The following HSPA8 variants were observed in gnomAD, a reference collection of about 807,000 sequenced individuals.
HSPA8 encodes heat shock protein family A (Hsp70) member 8, also known as heat shock cognate 71 kDa protein.
A neutral mutation model predicts 52.8 loss-of-function variants in HSPA8; 2 were observed. The ratio of observed to expected loss-of-function variants is 0.04; its 90% confidence interval spans 0.02 to 0.12. The LOEUF (loss-of-function observed/expected upper bound fraction) is 0.12. Ranked by LOEUF, HSPA8 falls within the 10% of genes least tolerant of loss-of-function variation. The pLI, the probability that HSPA8 is intolerant of heterozygous loss-of-function variation, is 1.00. For synonymous variants in HSPA8, 436 were observed against 274.0 expected (o/e 1.59, Z -5.84); for missense variants, 349 against 800.5 (o/e 0.44, Z 6.81).
At chr11:123,062,192 G>A (rs1203392323), upstream of HSPA8, 1 of 152,698 alleles carries the variant, frequency 6.5e-6, no homozygotes, top group Non-Finnish European at 1.5e-5. Flanking sequence ...CCTTCCAGAA[G>A]GGGCCCGCCC....
At position 123,058,240 on chromosome 11, in the gene HSPA8, A is replaced by AAAC; in HGVS notation, c.1755+11_1755+12insGTT. ...GAGTGGGGGAGGAAAAAAAAAAAAA[A>AAAC]AAAACACAAACCTGATTCTTATCAA... On this transcript the variant is annotated intron_variant, in intron 8 of 8. Coordinates refer to ENST00000534624, the MANE Select transcript of HSPA8 (RefSeq NM_006597.6). 6.6e-7 allele frequency: 1 copy of AAAC among 1,516,028 alleles called. No individual in the cohort carries two copies. Among genetic ancestry groups the AAAC allele is most frequent in the Non-Finnish European group, 9.0e-7 (1 of 1,106,802 alleles). 93.9% of individuals were successfully genotyped at this position (1,516,028 alleles called of 1,614,324 possible).
chr11:123,060,542 C>A, intron 3 of HSPA8, 51 bp downstream of exon 3: 1 of 1,386,004 alleles, frequency 7.2e-7, no homozygotes, highest in Non-Finnish European at 1.0e-6. Flanking sequence ...CGGGAGTCAT[C>A]GGGCTTTTAA....
Position 123,061,253 on chromosome 11 carries a change from T to C in HSPA8, c.72A>G (p.Gly24=), listed in dbSNP as rs752166960. 2.5e-6 allele frequency: 4 copies of C among 1,613,922 alleles called. No individual in the cohort carries two copies. The East Asian group carries it at 8.9e-5, about 36-fold the overall frequency. ...GATCATTGGCAATTATCTCGACTTTTCCGTGCTGGAAAACACCCACACAAG... is the reference window on the plus strand; with the variant it reads ...GATCATTGGCAATTATCTCGACTTTCCCGTGCTGGAAAACACCCACACAAG... ...TYSCVGVFQH[G]KVEIIANDQG... The change falls in exon 2 of 9, where the codon GGA becomes GGG. Residue 24 remains glycine, a synonymous_variant. Transcript: ENST00000534624.
At position 123,060,634 on chromosome 11, in the gene HSPA8, G is replaced by A. The variant is rs774683371; in HGVS notation, c.370C>T (p.Leu124=). The change falls in exon 3 of 9, where the codon CTG becomes TTG. Residue 124 remains leucine, a synonymous_variant. Coordinates refer to ENST00000534624, the MANE Select transcript of HSPA8 (RefSeq NM_006597.6). The part of the protein sequence containing the change: ...FYPEEVSSMV[L]TKMKEIAEAY... ...TCTGCAATTTCCTTCATCTTTGTCAGAACCATAGAAGACACCTCCTCTGGA... is the reference window on the plus strand; with the variant it reads ...TCTGCAATTTCCTTCATCTTTGTCAAAACCATAGAAGACACCTCCTCTGGA... The A allele has an allele frequency of 3.7e-6, 6 of 1,613,612 alleles. No individual in the cohort carries two copies. Among genetic ancestry groups the A allele is most frequent in the African/African-American group, 1.3e-5 (1 of 74,846 alleles).
chr11:123,058,569 G>A (rs1207009564), intron 7 of HSPA8, 63 bp downstream of exon 7: 17 of 1,569,110 alleles, frequency 1.1e-5, no homozygotes, highest in Non-Finnish European at 1.4e-5. Flanking sequence ...ACGCCCTTAG[G>A]CACCAGTAAC....
intron 3 of HSPA8, 78 bp downstream of exon 3, chr11:123,060,515 C>T (rs1160412002): frequency 1.7e-6 from 2 of 1,151,164 alleles, no homozygotes; most frequent in African/African-American, 3.1e-5. Context: ...CCCTCCCTCG[C>T]CAGGTGCCAG....
rs398017872 is a variant in HSPA8, at chr11:123,058,244, A to AC, written c.1755+7dup. ...GGGGGAGGAAAAAAAAAAAAAAAAA[A>AC]CACAAACCTGATTCTTATCAAGCCA... is the stretch of plus-strand genomic sequence containing the variant. On this transcript the variant is annotated splice_region_variant and intron_variant, in intron 8 of 8. Transcript: ENST00000534624. The AC allele has an allele frequency of 1.9e-4, 292 of 1,512,008 alleles. 1 individual carries two copies. In the South Asian group the frequency reaches 2.6e-3, roughly 13 times the overall value. The allele number at this position is 1,512,008 out of a possible 1,614,324, so 93.7% of individuals were successfully genotyped here.
In HSPA8 at chr11:123,058,572, C is replaced by T. The variant is rs1465295898; in HGVS notation, c.1522+60G>A. 1.0e-5 allele frequency: 16 copies of T among 1,571,718 alleles called. 1 individual carries two copies. In the Admixed American group the frequency reaches 2.2e-4, roughly 21 times the overall value. The stretch of plus-strand genomic sequence containing the variant: ...TCTCTTAGCTAGACGCCCTTAGGCA[C>T]CAGTAACTCAATTGAAATACCATTA... On this transcript the variant is annotated intron_variant, in intron 7 of 8. Coordinates refer to ENST00000534624, the MANE Select transcript of HSPA8 (RefSeq NM_006597.6).
At chr11:123,059,288 A>G (rs756399523) in intron 5 of HSPA8, 27 bp from the exon 6 acceptor site, 11 of 1,584,716 alleles carry the variant, frequency 6.9e-6, no homozygotes, top group Non-Finnish European at 8.6e-6. Flanking sequence ...TAACGTTAAA[A>G]GAAGTTAAAA....
rs143434494 is a variant in HSPA8 at position 123,058,444 on chromosome 11, T to C, written c.1563A>G (p.Glu521=). 5.5e-4 allele frequency: 889 copies of C among 1,614,140 alleles called. 1 individual carries two copies. The highest frequency in any genetic ancestry group is 6.4e-4 in the Non-Finnish European group (752 of 1,180,022). The change falls in exon 8 of 9, where the codon GAA becomes GAG. Residue 521 remains glutamate, a synonymous_variant. Transcript: ENST00000534624. ...SKEDIERMVQ[E]AEKYKAEDEK... Reference sequence around the variant, plus strand: ...CATCTTCAGCTTTGTACTTCTCAGCTTCCTGGACCATACGTTCAATGTCTT... The same window carrying C: ...CATCTTCAGCTTTGTACTTCTCAGCCTCCTGGACCATACGTTCAATGTCTT...
chr11:123,058,039 C>A (rs771749162), intron 8 of HSPA8, 120 bp from the exon 9 acceptor site: 5 of 808,076 alleles, frequency 6.2e-6, no homozygotes, highest in Non-Finnish European at 9.8e-6. Context: ...CCACTACCAA[C>A]ATTAAAATAG....
In HSPA8 at chr11:123,059,585, C is replaced by T; in HGVS notation, c.1008G>A (p.Leu336=). Reference sequence around the variant, plus strand: ...TGGGGATACGAGTAGAACCACCAACCAGGACAATATCATGAATCTGTGACT... The same window carrying T: ...TGGGGATACGAGTAGAACCACCAACTAGGACAATATCATGAATCTGTGACT... ...LDKSQIHDIV[L]VGGSTRIPKI... Residue 336 remains leucine, a synonymous_variant, in exon 5 of 9, where the codon CTG becomes CTA. Transcript: ENST00000534624. 1.2e-6 allele frequency: 2 copies of T among 1,614,104 alleles called. No homozygotes were observed. Among genetic ancestry groups the T allele is most frequent in the Non-Finnish European group, 1.7e-6 (2 of 1,180,010 alleles).
In HSPA8 at chr11:123,059,266, CA is replaced by C. The variant is rs1865416410; in HGVS notation, c.1121-6del. 2 of 1,610,110 alleles carry C rather than the reference CA, an allele frequency of 1.2e-6. No homozygotes were observed. The highest frequency in any genetic ancestry group is 1.7e-5 in the Admixed American group (1 of 59,272). Reference sequence around the variant, plus strand: ...ACAAGATGGCTGCCTGGACAGCTAGCAAACAAAAAGTTAACGTTAAAAGAAG... The same window carrying C: ...ACAAGATGGCTGCCTGGACAGCTAGCAACAAAAAGTTAACGTTAAAAGAAG... On this transcript the variant is annotated splice_polypyrimidine_tract_variant and splice_region_variant and intron_variant, in intron 5 of 8. Coordinates refer to ENST00000534624, the MANE Select transcript of HSPA8 (RefSeq NM_006597.6).
chr11:123,058,516 T>A (rs1167505841), intron 7 of HSPA8, 32 bp from the exon 8 acceptor site: 1 of 1,600,554 alleles, frequency 6.2e-7, no homozygotes, highest in Non-Finnish European at 8.6e-7. Flanking sequence ...AGTAAAAGCC[T>A]TAAATTACCT....
chr11:123,059,244 A>G lies in HSPA8; in HGVS notation c.1138T>C (p.Leu380=). 2 of 1,613,200 alleles carry G rather than the reference A, an allele frequency of 1.2e-6. No individual in the cohort carries two copies. The highest frequency in any genetic ancestry group is 1.7e-6 in the Non-Finnish European group (2 of 1,179,812). Residue 380 remains leucine, a synonymous_variant, in exon 6 of 9, where the codon TTG becomes CTG. Coordinates refer to ENST00000534624, the MANE Select transcript of HSPA8 (RefSeq NM_006597.6). The part of the protein sequence containing the change: ...AYGAAVQAAI[L]SGDKSENVQD... ...ACATTCTCAGACTTGTCTCCAGACA[A>G]GATGGCTGCCTGGACAGCTAGCAAA...
intron 8 of HSPA8, 49 bp from the exon 9 acceptor site, chr11:123,057,968 C>T (rs1219586727): frequency 2.1e-6 from 3 of 1,418,658 alleles, no homozygotes; most frequent in East Asian, 2.3e-5. Flanking sequence ...ATGTTAATAA[C>T]CCTTCTTTCT....
In HSPA8 at chr11:123,057,794, A is replaced by T. The variant is rs201479266; in HGVS notation, c.1881T>A (p.Gly627=). ...CACCACCAGAGGGAGGAGCTCCACC[A>T]CCAGGAAATCCCCCAGGCATTCCTC... ...MPGGMPGGFP[G]GGAPPSGGAS... Residue 627 remains glycine (G), a synonymous_variant, in exon 9 of 9, where the codon GGT becomes GGA. Transcript: ENST00000534624. 1.2e-6 allele frequency: 2 copies of T among 1,613,706 alleles called. No homozygotes were observed. The highest frequency in any genetic ancestry group is 2.7e-5 in the African/African-American group (2 of 74,894).
At chr11:123,061,361 C>T (rs756515385) in intron 1 of HSPA8, 32 bp from the exon 2 acceptor site, 7 of 1,513,876 alleles carry the variant, frequency 4.6e-6, no homozygotes, top group Non-Finnish European at 6.4e-6. Context: ...TTTAAAAATT[C>T]AATTAATCAA....
chr11:123,060,782 A>G lies in HSPA8; in HGVS notation c.222T>C (p.Ile74=), dbSNP rs1865472624. 2 of 1,613,508 alleles carry G rather than the reference A, an allele frequency of 1.2e-6. No homozygotes were observed. Among genetic ancestry groups the G allele is most frequent in the South Asian group, 2.2e-5 (2 of 91,060 alleles). ...TNTVFDAKRL[I]GRRFDDAVVQ... ...CAACAGCATCATCAAATCTGCGTCCAATCAGACGTTTGGCATCTGTAAAAG... is the reference window on the plus strand; with the variant it reads ...CAACAGCATCATCAAATCTGCGTCCGATCAGACGTTTGGCATCTGTAAAAG... The change falls in exon 3 of 9, where the codon ATT becomes ATC. Residue 74 remains isoleucine (I), a synonymous_variant. Coordinates refer to ENST00000534624, the MANE Select transcript of HSPA8 (RefSeq NM_006597.6).
Sources: gnomAD v4.1 joint callset for allele counts on GRCh38, gnomAD v4.1.1 for gene constraint, MANE v1.5 for transcripts, NCBI Gene and HGNC (gene_info 2026-07-23, HGNC 2026-07-21) for gene names.